The following NAV2 variants were observed in gnomAD, a reference collection of about 807,000 sequenced individuals.
NAV2 encodes the protein neuron navigator 2, also known as helicase, APC down-regulated 1.
A neutral mutation model predicts 223.2 loss-of-function variants in NAV2; 54 were observed. The ratio of observed to expected loss-of-function variants is 0.24; its 90% CI spans 0.19 to 0.30. The LOEUF (loss-of-function observed/expected upper bound fraction) is 0.30. Among genes scored for constraint, NAV2 ranks in the 10% least tolerant of loss-of-function variants. The pLI, the probability that NAV2 is intolerant of heterozygous loss-of-function variation, is 1.00. For synonymous variants in NAV2, 1,279 were observed against 1,239.3 expected, an observed-to-expected ratio of 1.03 and a Z score of -0.67; for missense variants, 2,806 against 3,147.5, an observed-to-expected ratio of 0.89 and a Z score of 2.60.
chr11:19,768,221 G>T (rs975785432), intron 1 of NAV2, among the ~76,000 whole-genome samples: 1 of 152,184 alleles, frequency 6.6e-6, no homozygotes, highest in South Asian at 2.1e-4. Context: ...TCTCTGAAGG[G>T]CAGGCTGTTT....
At chr11:19,792,083 C>T (rs952330250) in intron 1 of NAV2, among the ~76,000 whole-genome samples, 3 of 152,082 alleles carry the variant, frequency 2.0e-5, no homozygotes, top group Admixed American at 6.5e-5. Flanking sequence ...GTTTATATAC[C>T]GTTATATACA....
chr11:19,411,654 G>C (rs1044473346), intron 1 of NAV2, among the ~76,000 whole-genome samples: 1 of 152,164 alleles, frequency 6.6e-6, no homozygotes, highest in Non-Finnish European at 1.5e-5. Context: ...GGCCAGAGAT[G>C]TGACTTAACC....
intron 11 of NAV2, among the ~76,000 whole-genome samples, chr11:19,996,087 C>A (rs932343655): frequency 6.6e-6 from 1 of 152,138 alleles, no homozygotes; most frequent in Non-Finnish European, 1.5e-5. Flanking sequence ...AAAGGATAGG[C>A]TTACAAATAA....
At position 19,523,626 on chromosome 11, in the gene NAV2, T is replaced by C. The variant is rs375420799; in HGVS notation, c.75+172599T>C. ...TTCTTCTTCCGAGCCACTCTTCTTC[T>C]TTCTCCTCTAGGAAGTCCATGTGCC... On this transcript the variant is annotated intron_variant, in intron 1 of 37. Coordinates refer to the NAV2 transcript ENST00000360655. Among the ~76,000 whole-genome samples the C allele has an allele frequency of 2.3e-3, 357 of 152,310 alleles. 1 individual carries two copies. Among genetic ancestry groups the C allele is most frequent in the African/African-American group, 8.1e-3 (338 of 41,564 alleles).
At chr11:19,803,957 G>A (rs964580130) in intron 1 of NAV2, among the ~76,000 whole-genome samples, 1 of 152,244 alleles carries the variant, frequency 6.6e-6, no homozygotes. Flanking sequence ...GAGCTTGAAA[G>A]GGGTGTGGCT....
chr11:19,860,694 T>G (rs1277990410), intron 3 of NAV2, among the ~76,000 whole-genome samples: 6 of 151,414 alleles, frequency 4.0e-5, no homozygotes, highest in Admixed American at 3.3e-4. Flanking sequence ...GGGAGGTGGA[T>G]GTTGTAGCGA....
intron 1 of NAV2, among the ~76,000 whole-genome samples, chr11:19,367,393 C>T (rs1848322591): frequency 6.6e-6 from 1 of 152,142 alleles, no homozygotes; most frequent in Admixed American, 6.5e-5. Flanking sequence ...GTCTGTTTCC[C>T]CTACTTGAAA....
Position 19,998,551 on chromosome 11 carries a change from G to C in NAV2, c.2768+14304G>C, listed in dbSNP as rs4757879. On this transcript the variant is annotated intron_variant, in intron 11 of 37. Coordinates refer to ENST00000349880, the MANE Select transcript of NAV2 (RefSeq NM_145117.5). The surrounding 1 kb of genome is among the most constrained non-coding windows in gnomAD (Gnocchi z 5.0). ...AGACTCCTTGCCGTGGCCTCCAAGG[G>C]GGTGTGTGTTCTGGCCCCTGCGCAC... 2.0e-5 allele frequency among the ~76,000 whole-genome samples: 3 copies of C among 151,826 alleles called. No individual in the cohort carries two copies. Among genetic ancestry groups the C allele is most frequent in the Admixed American group, 2.0e-4 (3 of 15,264 alleles).
chr11:19,531,817 T>C (rs999250600), intron 1 of NAV2, among the ~76,000 whole-genome samples: 3 of 152,218 alleles, frequency 2.0e-5, no homozygotes, highest in African/African-American at 4.8e-5. Flanking sequence ...ACCATTATTT[T>C]ATTTACTACC....
At chr11:19,349,324 T>TCTC (rs376664908), upstream of NAV2, among the ~76,000 whole-genome samples, 7 of 151,784 alleles carry the variant, frequency 4.6e-5, no homozygotes, top group South Asian at 4.2e-4. Flanking sequence ...TGCTAGTCCT[T>TCTC]CTCCTCCTCC....
At chr11:19,863,883 C>T (rs1479936481) in intron 3 of NAV2, among the ~76,000 whole-genome samples, 2 of 152,190 alleles carry the variant, frequency 1.3e-5, no homozygotes, top group Non-Finnish European at 2.9e-5. Context: ...CCAGTAGGTG[C>T]TGAGTAAATA....
chr11:19,439,654 T>C (rs1265976655), intron 1 of NAV2, among the ~76,000 whole-genome samples: 1 of 152,224 alleles, frequency 6.6e-6, no homozygotes, highest in South Asian at 2.1e-4. Context: ...ATGTGCTCAT[T>C]CACATATTTG....
At chr11:19,544,307 G>A (rs2044425654) in intron 1 of NAV2, among the ~76,000 whole-genome samples, 1 of 152,198 alleles carries the variant, frequency 6.6e-6, no homozygotes, top group Non-Finnish European at 1.5e-5. Context: ...AATACCAGCA[G>A]AATGGGATCC....
chr11:19,523,964 C>G (rs761463536), intron 1 of NAV2, among the ~76,000 whole-genome samples: 38 of 152,172 alleles, frequency 2.5e-4, no homozygotes, highest in Admixed American at 1.4e-3. Flanking sequence ...AGATTTAGCC[C>G]AGGTGTTTTC....
chr11:19,418,093 A>G (rs985421909), intron 1 of NAV2, among the ~76,000 whole-genome samples: 2 of 152,326 alleles, frequency 1.3e-5, no homozygotes, highest in African/African-American at 4.8e-5. Flanking sequence ...TGTTCTGCAC[A>G]TGTATCTCAG....
chr11:19,908,510 C>G (rs750209494), intron 6 of NAV2, among the ~76,000 whole-genome samples: 1 of 152,204 alleles, frequency 6.6e-6, no homozygotes, highest in Non-Finnish European at 1.5e-5. Flanking sequence ...ACGGTACTTT[C>G]TGCAATGATG....
chr11:20,027,236 G>C (rs2055180342), intron 11 of NAV2: 1 of 982,842 alleles, frequency 1.0e-6, no homozygotes, highest in South Asian at 4.7e-5. Flanking sequence ...TCTTCCCCAG[G>C]GGTTACTACT....
At chr11:19,560,625 A>T (rs1319102114) in intron 1 of NAV2, among the ~76,000 whole-genome samples, 1 of 152,266 alleles carries the variant, frequency 6.6e-6, no homozygotes, top group Non-Finnish European at 1.5e-5. Context: ...ACTCTAAAGC[A>T]CTGTACAAAT....
intron 1 of NAV2, among the ~76,000 whole-genome samples, chr11:19,815,361 CATT>C (rs2059040756): frequency 6.6e-6 from 1 of 152,312 alleles, no homozygotes; most frequent in African/African-American, 2.4e-5. Flanking sequence ...CCTGAGTTCT[CATT>C]ATTATTTTTA....
Sources: gnomAD v4.1 joint callset for allele counts (sites outside exome capture counted in the v4.1 genomes callset) on GRCh38, gnomAD v4.1.1 for gene constraint, Gnocchi (gnomAD v3.1) non-coding constraint, MANE v1.5 for transcripts, NCBI Gene and HGNC (gene_info 2026-07-23, HGNC 2026-07-21) for gene names.